ZSCAN21: variants seen among roughly 807,000 people sequenced by gnomAD.
ZSCAN21 encodes the protein zinc finger and SCAN domain containing 21.
A neutral mutation model predicts 35.6 loss-of-function variants in ZSCAN21; 26 were observed. The observed-to-expected ratio is 0.73, with a 90% CI of 0.54 to 1.01. The LOEUF is 1.01. ZSCAN21 is among the 50% of genes least tolerant of loss of function. The pLI is 0.00. For missense variants in ZSCAN21, 593 were observed against 587.1 expected (o/e 1.01, Z -0.10); for synonymous variants, 219 against 219.3 (o/e 1.00, Z 0.01).
At chr7:100,053,546 A>ATACATAGTTTTTTTTTTTTTTTTTTTTTT (rs755978112) in intron 1 of ZSCAN21, among the ~76,000 whole-genome samples, 5 of 79,488 alleles carry the variant, frequency 6.3e-5, no homozygotes, top group African/African-American at 5.6e-5. Context: ...TACATACATA[A>ATACATAGTTTTTTTTTTTTTTTTTTTTTT]TTTTTTTTTT....
At chr7:100,053,546 A>ATACATACATACATAAT (rs755978112) in intron 1 of ZSCAN21, among the ~76,000 whole-genome samples, 162 of 79,498 alleles carry the variant, frequency 2.0e-3, no homozygotes, top group African/African-American at 5.8e-3. Flanking sequence ...TACATACATA[A>ATACATACATACATAAT]TTTTTTTTTT....
At chr7:100,059,486 A>C (rs961510611) in intron 3 of ZSCAN21, among the ~76,000 whole-genome samples, 1 of 152,076 alleles carries the variant, frequency 6.6e-6, no homozygotes, top group Non-Finnish European at 1.5e-5. Context: ...CAGATGGGAC[A>C]GAAGACAAAG....
intron 1 of ZSCAN21, among the ~76,000 whole-genome samples, chr7:100,053,550 T>A (rs55861385): frequency 5.7e-5 from 2 of 35,394 alleles, no homozygotes; most frequent in Non-Finnish European, 1.1e-4. Context: ...TACATAATTT[T>A]TTTTTTTTTT....
intron 3 of ZSCAN21, among the ~76,000 whole-genome samples, chr7:100,063,403 T>C (rs1050528778): frequency 2.0e-5 from 3 of 151,888 alleles, no homozygotes; most frequent in Non-Finnish European, 4.4e-5. Flanking sequence ...ATCAAGACCA[T>C]CCTGGCCAGC....
intron 3 of ZSCAN21, among the ~76,000 whole-genome samples, chr7:100,060,704 C>T (rs1445488343): frequency 2.7e-5 from 4 of 148,938 alleles, no homozygotes; most frequent in South Asian, 4.3e-4. Flanking sequence ...CCATCTCAAC[C>T]GGGCATGGTG....
chr7:100,064,567 A>T lies in ZSCAN21; in HGVS notation c.1372A>T (p.Asn458Tyr). 6.2e-7 allele frequency: 1 copy of T among 1,614,238 alleles called. No individual in the cohort carries two copies. Among genetic ancestry groups the T allele is most frequent in the Non-Finnish European group, 8.5e-7 (1 of 1,180,036 alleles). ...TGGAAAGACCTTCTGTAGCAAGTCC[A>T]ATCTTTCCAAACATCAGCGAGTCCA... ...HCGKTFCSKS[N>Y]LSKHQRVHTG... The change falls in exon 4 of 4, where the codon AAT (asparagine) becomes TAT (tyrosine). Residue 458 changes from asparagine (N) to tyrosine (Y), a missense_variant. Physicochemically the swap from Asn to Tyr is moderately radical, Grantham distance 143. Transcript: ENST00000292450.
intron 3 of ZSCAN21, among the ~76,000 whole-genome samples, chr7:100,063,134 A>G (rs1315391239): frequency 3.3e-5 from 5 of 152,204 alleles, no homozygotes; most frequent in Admixed American, 6.5e-5. Context: ...GACTCAAGCC[A>G]TCCTCCCGCC....
intron 3 of ZSCAN21, among the ~76,000 whole-genome samples, chr7:100,063,070 C>T (rs1258122558): frequency 6.6e-6 from 1 of 151,982 alleles, no homozygotes; most frequent in Non-Finnish European, 1.5e-5. Flanking sequence ...TTTATTTTAA[C>T]TTTTTGTAGA....
At chr7:100,053,525 A>G (rs1353257776) in intron 1 of ZSCAN21, among the ~76,000 whole-genome samples, 1 of 142,106 alleles carries the variant, frequency 7.0e-6, no homozygotes, top group Non-Finnish European at 1.5e-5. Flanking sequence ...GCTCTTACAT[A>G]CATACATACA....
Position 100,050,568 on chromosome 7 carries a change from C to T in ZSCAN21, c.-97+727C>T, listed in dbSNP as rs1035038023. On this transcript the variant is annotated intron_variant, in intron 1 of 3. Transcript: ENST00000292450. ...CAAAAATTAGCTGGGTGTGGTGGAG[C>T]GCGCCTGTAATCCCAGCTACTCAGG... Among the ~76,000 whole-genome samples the T allele has an allele frequency of 1.2e-4, 19 of 152,044 alleles. No individual in the cohort carries two copies. In the South Asian group the frequency reaches 3.1e-3, roughly 25 times the overall value.
rs375646703 is a variant in ZSCAN21, at chr7:100,064,628, C to T, written c.*11C>T. Reference sequence around the variant, plus strand: ...GGAGAAGCACCGTAACTTTCAAGCGCTCCTGTTGTTGTCGTTGTTTTAAAC... The same window carrying T: ...GGAGAAGCACCGTAACTTTCAAGCGTTCCTGTTGTTGTCGTTGTTTTAAAC... On this transcript the variant is annotated 3_prime_UTR_variant, in exon 4 of 4. Coordinates refer to ENST00000292450, the MANE Select transcript of ZSCAN21 (RefSeq NM_145914.3). 3 of 1,608,332 alleles carry T rather than the reference C, an allele frequency of 1.9e-6. No individual in the cohort carries two copies. Among genetic ancestry groups the T allele is most frequent in the Non-Finnish European group, 2.5e-6 (3 of 1,176,910 alleles).
chr7:100,058,657 AT>A (rs1490748188), intron 3 of ZSCAN21, among the ~76,000 whole-genome samples: 1 of 152,234 alleles, frequency 6.6e-6, no homozygotes, highest in Non-Finnish European at 1.5e-5. Context: ...ATCTCCATAT[AT>A]TATGGTTTAT....
In ZSCAN21 at chr7:100,064,815, C is replaced by A; in HGVS notation, c.*198C>A. On this transcript the variant is annotated 3_prime_UTR_variant, in exon 4 of 4. Coordinates refer to ENST00000292450, the MANE Select transcript of ZSCAN21 (RefSeq NM_145914.3). ...AGAAGGTGTCAGGAGGTTCCACACTCGCCAGTTCACTGGAGCAGAGTCCCT... is the reference window on the plus strand; with the variant it reads ...AGAAGGTGTCAGGAGGTTCCACACTAGCCAGTTCACTGGAGCAGAGTCCCT... The A allele has an allele frequency of 6.2e-7, 1 of 1,614,160 alleles. No individual in the cohort carries two copies. The highest frequency in any genetic ancestry group is 8.5e-7 in the Non-Finnish European group (1 of 1,180,040).
rs565123620 is a variant in ZSCAN21, at chr7:100,055,548, G to A, written c.-96-1363G>A. Among the ~76,000 whole-genome samples, 261 of 151,932 alleles carry A rather than the reference G, an allele frequency of 1.7e-3. 2 individuals carry two copies. Among genetic ancestry groups the A allele is most frequent in the African/African-American group, 6.0e-3 (249 of 41,436 alleles). ...ATTACAGGCATGAGCCACTGCGCCC[G>A]ACCTCAGTTATTTTTAATGTACTAG... On this transcript the variant is annotated intron_variant, in intron 1 of 3. Transcript: ENST00000292450.
intron 1 of ZSCAN21, among the ~76,000 whole-genome samples, chr7:100,053,219 AC>A (rs1791949646): frequency 6.6e-6 from 1 of 152,036 alleles, no homozygotes; most frequent in African/African-American, 2.4e-5. Context: ...ATCCAAGGAA[AC>A]TTTTTTTTCT....
chr7:100,059,351 C>G (rs140319197), intron 3 of ZSCAN21, among the ~76,000 whole-genome samples: 5 of 152,130 alleles, frequency 3.3e-5, no homozygotes, highest in Non-Finnish European at 7.4e-5. Flanking sequence ...TAAAAATAGC[C>G]GGAGACCTAT....
intron 3 of ZSCAN21, among the ~76,000 whole-genome samples, chr7:100,061,829 T>C (rs1326575247): frequency 1.3e-5 from 2 of 152,186 alleles, no homozygotes; most frequent in Non-Finnish European, 2.9e-5. Context: ...TTCTGTACCC[T>C]CAGAGGACTA....
intron 1 of ZSCAN21, among the ~76,000 whole-genome samples, chr7:100,052,816 T>G (rs577002844): frequency 3.6e-4 from 55 of 152,136 alleles, no homozygotes; most frequent in Non-Finnish European, 6.6e-4. Context: ...CATTGTACAT[T>G]TGAGTTGTGT....
intron 1 of ZSCAN21, among the ~76,000 whole-genome samples, chr7:100,053,546 A>ATACATGG (rs755978112): frequency 1.3e-5 from 1 of 79,488 alleles, no homozygotes; most frequent in Non-Finnish European, 2.6e-5. Flanking sequence ...TACATACATA[A>ATACATGG]TTTTTTTTTT....
Sources: gnomAD v4.1 joint callset for allele counts (sites outside exome capture counted in the v4.1 genomes callset) on GRCh38, gnomAD v4.1.1 for gene constraint, MANE v1.5 for transcripts, NCBI Gene and HGNC (gene_info 2026-07-23, HGNC 2026-07-21) for gene names.